CFAP299: variants seen among roughly 807,000 people sequenced by gnomAD.
The protein encoded by CFAP299 is cilia and flagella associated protein 299.
A neutral mutation model predicts 27.0 loss-of-function variants in CFAP299; 21 were observed. The ratio of observed to expected loss-of-function variants is 0.78; its 90% CI spans 0.55 to 1.12. The LOEUF is 1.12. Among genes scored for constraint, CFAP299 ranks in the 50% most tolerant of loss-of-function variants. The probability of loss-of-function intolerance (pLI) is 0.00; values close to 1 mark genes in which losing one functional copy is unlikely to be tolerated. For missense variants in CFAP299, 310 were observed against 276.6 expected (o/e 1.12, Z -0.86); for synonymous variants, 104 against 98.1 (o/e 1.06, Z -0.36).
At chr4:80,640,916 C>T (rs187443375) in intron 3 of CFAP299, among the ~76,000 whole-genome samples, 53 of 152,198 alleles carry the variant, frequency 3.5e-4, no homozygotes, top group African/African-American at 1.3e-3. Flanking sequence ...TTTCAGTGTA[C>T]GTGTTAAGGT....
intron 3 of CFAP299, among the ~76,000 whole-genome samples, chr4:80,850,978 G>T (rs1203596547): frequency 6.6e-6 from 1 of 152,094 alleles, no homozygotes; most frequent in Non-Finnish European, 1.5e-5. Context: ...TTGGTTGATA[G>T]TGTAGATATT....
intron 3 of CFAP299, among the ~76,000 whole-genome samples, chr4:80,854,148 T>C (rs1731690641): frequency 6.6e-6 from 1 of 152,136 alleles, no homozygotes; most frequent in South Asian, 2.1e-4. Context: ...GTGTCAGTGA[T>C]GCAGATGAAG....
At chr4:80,728,176 T>C (rs920932237) in intron 3 of CFAP299, among the ~76,000 whole-genome samples, 1 of 152,112 alleles carries the variant, frequency 6.6e-6, no homozygotes, top group Admixed American at 6.5e-5. Flanking sequence ...TCAACTCATA[T>C]GATTTGTTGC....
rs80177459 is a variant in CFAP299, at chr4:80,841,203, G to A, written c.334-28790G>A. Among the ~76,000 whole-genome samples the A allele has an allele frequency of 1.1e-3, 167 of 152,198 alleles. 1 individual carries two copies. The highest frequency in any genetic ancestry group is 3.8e-3 in the African/African-American group (156 of 41,544). On this transcript the variant is annotated intron_variant, in intron 3 of 5. Coordinates refer to ENST00000358105, the MANE Select transcript of CFAP299 (RefSeq NM_152770.3). ...ATTTCACTATATCACATGGCATAAGGAATCAGGGCATCATCGTTCACTGAG... is the reference window on the plus strand; with the variant it reads ...ATTTCACTATATCACATGGCATAAGAAATCAGGGCATCATCGTTCACTGAG...
At chr4:80,868,888 G>T (rs1388096418) in intron 3 of CFAP299, among the ~76,000 whole-genome samples, 6 of 143,478 alleles carry the variant, frequency 4.2e-5, no homozygotes, top group African/African-American at 1.6e-4. Flanking sequence ...TAATTCCATG[G>T]GTGGGGGCTT....
chr4:80,435,145 C>T (rs1024542456), intron 2 of CFAP299, among the ~76,000 whole-genome samples: 10 of 152,112 alleles, frequency 6.6e-5, no homozygotes, highest in African/African-American at 2.4e-4. Flanking sequence ...TACTTCAAAC[C>T]AAAGGAATTA....
At chr4:80,929,112 C>A (rs1463481367) in intron 4 of CFAP299, among the ~76,000 whole-genome samples, 1 of 152,162 alleles carries the variant, frequency 6.6e-6, no homozygotes, top group Non-Finnish European at 1.5e-5. Context: ...TTCTTTCTAA[C>A]ATTTCTAAGT....
At chr4:80,919,794 G>C (rs1383225106) in intron 4 of CFAP299, among the ~76,000 whole-genome samples, 1 of 152,010 alleles carries the variant, frequency 6.6e-6, no homozygotes, top group Non-Finnish European at 1.5e-5. Flanking sequence ...GAATCAAAGA[G>C]AGCACTAATT....
At chr4:80,488,334 T>C (rs1730932739) in intron 2 of CFAP299, among the ~76,000 whole-genome samples, 1 of 152,208 alleles carries the variant, frequency 6.6e-6, no homozygotes, top group Non-Finnish European at 1.5e-5. Flanking sequence ...AATATGAGAC[T>C]GAACCGTGAT....
At chr4:80,503,239 T>A (rs2110153671) in intron 2 of CFAP299, among the ~76,000 whole-genome samples, 1 of 152,238 alleles carries the variant, frequency 6.6e-6, no homozygotes, top group South Asian at 2.1e-4. Flanking sequence ...ATCTGATTTT[T>A]AGCACTCCCT....
chr4:80,542,166 C>T (rs557185160), intron 2 of CFAP299, among the ~76,000 whole-genome samples: 21 of 152,236 alleles, frequency 1.4e-4, no homozygotes, highest in Admixed American at 5.9e-4. Flanking sequence ...AGCCTCCCAG[C>T]GGCTCTCAGG....
chr4:80,826,493 G>T (rs148298067), intron 3 of CFAP299, among the ~76,000 whole-genome samples: 2 of 151,526 alleles, frequency 1.3e-5, no homozygotes, highest in African/African-American at 4.8e-5. Flanking sequence ...TTAATAAAAG[G>T]TTTAATATAG....
chr4:80,549,051 A>G (rs1734377766), intron 2 of CFAP299, among the ~76,000 whole-genome samples: 1 of 152,146 alleles, frequency 6.6e-6, no homozygotes, highest in Admixed American at 6.6e-5. Context: ...GGAGGAGAGT[A>G]GTGAGAGGAA....
At chr4:80,411,955 C>T (rs1411949240) in intron 2 of CFAP299, among the ~76,000 whole-genome samples, 1 of 152,026 alleles carries the variant, frequency 6.6e-6, no homozygotes, top group East Asian at 1.9e-4. Flanking sequence ...TCTCTAAGTA[C>T]TACTCTGAAA....
At position 80,608,345 on chromosome 4, in the gene CFAP299, G is replaced by C. The variant is rs1260590570; in HGVS notation, c.333+25162G>C. The C allele has an allele frequency of 8.5e-6, 13 of 1,530,686 alleles. No individual in the cohort carries two copies. Among genetic ancestry groups the C allele is most frequent in the Non-Finnish European group, 1.1e-5 (12 of 1,142,610 alleles). The allele number at this position is 1,530,686 out of a possible 1,614,324, so 94.8% of individuals were successfully genotyped here. On this transcript the variant is annotated intron_variant, in intron 3 of 5. Coordinates refer to ENST00000358105, the MANE Select transcript of CFAP299 (RefSeq NM_152770.3). Reference sequence around the variant, plus strand: ...TAATTTGTTTAAGCTAAATCAACAGGAGACTGATGCTGCTCATATCTTGAA... The same window carrying C: ...TAATTTGTTTAAGCTAAATCAACAGCAGACTGATGCTGCTCATATCTTGAA...
intron 2 of CFAP299, among the ~76,000 whole-genome samples, chr4:80,495,200 T>A (rs1731374203): frequency 6.6e-6 from 1 of 152,182 alleles, no homozygotes; most frequent in African/African-American, 2.4e-5. Flanking sequence ...ATAATGAAGT[T>A]AGCAAGAAGA....
chr4:80,847,436 G>A (rs1235438317), intron 3 of CFAP299, among the ~76,000 whole-genome samples: 1 of 152,192 alleles, frequency 6.6e-6, no homozygotes, highest in Non-Finnish European at 1.5e-5. Flanking sequence ...CCTCTTGGGA[G>A]TAGTGTTGGG....
At chr4:80,875,519 C>G (rs1274839870) in intron 4 of CFAP299, among the ~76,000 whole-genome samples, 1 of 152,042 alleles carries the variant, frequency 6.6e-6, no homozygotes, top group Non-Finnish European at 1.5e-5. Context: ...AAAAAATTAG[C>G]TGGCCATGGT....
chr4:80,789,171 T>TCTATAAAAATA (rs762705414), intron 3 of CFAP299, among the ~76,000 whole-genome samples: 3,035 of 152,170 alleles, frequency 0.02, 74 homozygotes, highest in South Asian at 0.059. Flanking sequence ...AGCTGTTATC[T>TCTATAAAAATA]GTATAAAAAT....
Sources: allele counts gnomAD v4.1 joint callset (sites outside exome capture counted in the v4.1 genomes callset), GRCh38; gene constraint gnomAD v4.1.1; transcripts MANE v1.5; gene names NCBI Gene and HGNC (gene_info 2026-07-23, HGNC 2026-07-21).